Variants in ZMYM4 observed in about 807,000 individuals in gnomAD.
ZMYM4 encodes zinc finger MYM-type containing 4.
ZMYM4 carries 31 observed loss-of-function variants against 183.2 expected under a neutral mutation model. The ratio of observed to expected loss-of-function variants is 0.17; its 90% CI spans 0.13 to 0.23. ZMYM4 has a LOEUF of 0.23. Ranked by LOEUF, ZMYM4 falls within the 10% of genes least tolerant of loss-of-function variation. The probability of loss-of-function intolerance (pLI) is 1.00; values close to 1 mark genes in which losing one functional copy is unlikely to be tolerated. For synonymous variants in ZMYM4, 592 were observed against 631.2 expected, an observed-to-expected ratio of 0.94 and a Z score of 0.93; for missense variants, 1,273 against 1,840.3, an observed-to-expected ratio of 0.69 and a Z score of 5.64.
At chr1:35,418,328 G>A in intron 28 of ZMYM4, 115 bp from the exon 29 acceptor site, 1 of 1,147,442 alleles carries the variant, frequency 8.7e-7, no homozygotes, top group Non-Finnish European at 1.2e-6. Context: ...GTGTGAGTGA[G>A]TGAAAGGGAG....
At chr1:35,368,609 T>G (rs1167354200) in intron 5 of ZMYM4, among the ~76,000 whole-genome samples, 7 of 152,266 alleles carry the variant, frequency 4.6e-5, no homozygotes, top group East Asian at 3.9e-4. Context: ...GAACATTTTT[T>G]GGGGAGGAAA....
rs1553179061 is a variant in ZMYM4 at position 35,389,781 on chromosome 1, A to ATATGTG, written c.2437-166_2437-165insATGTGT. Among the ~76,000 whole-genome samples the ATATGTG allele has an allele frequency of 3.3e-4, 47 of 141,478 alleles. No homozygotes were observed. The highest frequency in any genetic ancestry group is 1.3e-3 in the East Asian group (6 of 4,700). The allele number at this position is 141,478 out of a possible 152,430, so 92.8% of individuals were successfully genotyped here. On this transcript the variant is annotated intron_variant, in intron 14 of 29. Transcript: ENST00000314607. This position sits in a 1 kb window ranked among gnomAD's most constrained non-coding sequence, Gnocchi z 4.0. Reference sequence around the variant, plus strand: ...AAAAAAAAAAAAAATATATATATATATGTGTGTGTGTGTGTGTGTGTGTGT... The same window carrying ATATGTG: ...AAAAAAAAAAAAAATATATATATATATATGTGTGTGTGTGTGTGTGTGTGTGTGTGT...
At chr1:35,278,324 T>A (rs1013308922) in intron 1 of ZMYM4, among the ~76,000 whole-genome samples, 1 of 152,126 alleles carries the variant, frequency 6.6e-6, no homozygotes, top group Non-Finnish European at 1.5e-5. Context: ...ACACTACAGT[T>A]CTTTTTTTGA....
chr1:35,299,071 T>C (rs1387456808), intron 1 of ZMYM4, among the ~76,000 whole-genome samples: 1 of 151,414 alleles, frequency 6.6e-6, no homozygotes, highest in Non-Finnish European at 1.5e-5. Flanking sequence ...TCTTGCCATG[T>C]GGCCCAGGCT....
intron 7 of ZMYM4, among the ~76,000 whole-genome samples, chr1:35,379,267 A>T (rs1644399844): frequency 6.6e-6 from 1 of 151,964 alleles, no homozygotes; most frequent in Non-Finnish European, 1.5e-5. Flanking sequence ...CGCCCAGCTA[A>T]TTTTTCTATT....
At chr1:35,321,750 TG>T (rs1456300542) in intron 1 of ZMYM4, among the ~76,000 whole-genome samples, 1 of 152,120 alleles carries the variant, frequency 6.6e-6, no homozygotes, top group African/African-American at 2.4e-5. Flanking sequence ...TGTCATAAAC[TG>T]GGCATGGTGG....
chr1:35,308,230 G>A (rs1039720343), intron 1 of ZMYM4, among the ~76,000 whole-genome samples: 3 of 151,940 alleles, frequency 2.0e-5, no homozygotes, highest in African/African-American at 7.3e-5. Flanking sequence ...GACCTCAAGT[G>A]ATCCACCTGC....
At chr1:35,308,924 A>G (rs1641673219) in intron 1 of ZMYM4, 2 of 978,536 alleles carry the variant, frequency 2.0e-6, no homozygotes, top group Non-Finnish European at 2.4e-6. Flanking sequence ...CATGCAAAAC[A>G]ATAATACCAA....
At position 35,415,655 on chromosome 1, in the gene ZMYM4, G is replaced by A. The variant is rs778797066; in HGVS notation, c.4250G>A (p.Ser1417Asn). The A allele has an allele frequency of 1.9e-6, 3 of 1,613,978 alleles. No individual in the cohort carries two copies. In the African/African-American group the frequency reaches 4.0e-5, roughly 22 times the overall value. The part of the protein sequence containing the change: ...VMRRTRTLKY[S>N]TKMTYLRFFP... ...AGACGGACCAGGACTCTGAAGTACAGTACCAAGATGACATATCTGAGGTTC... is the reference window on the plus strand; with the variant it reads ...AGACGGACCAGGACTCTGAAGTACAATACCAAGATGACATATCTGAGGTTC... Residue 1417 changes from serine (S) to asparagine (N), a missense_variant, in exon 28 of 30, where the codon AGT becomes AAT. Around this residue, in one of 6 missense-constraint regions of ZMYM4, gnomAD observed 145 missense variants for 331.6 expected, o/e 0.44. Transcript: ENST00000314607.
rs985410650 is a variant in ZMYM4, at chr1:35,294,966, C to T, written c.39+25881C>T. On this transcript the variant is annotated intron_variant, in intron 1 of 29. Transcript: ENST00000314607. ...TTAGATTCCACTGTGCTTCACATCC[C>T]TAATTTCTATTCCAGTCACCATTCA... is the stretch of plus-strand genomic sequence containing the variant. 7.2e-5 allele frequency among the ~76,000 whole-genome samples: 11 copies of T among 152,276 alleles called. No homozygotes were observed. The East Asian group carries it at 1.9e-3, about 27-fold the overall frequency.
intron 2 of ZMYM4, chr1:35,350,580 C>G (rs1379840232): frequency 1.2e-5 from 2 of 162,956 alleles, no homozygotes; most frequent in Non-Finnish European, 2.6e-5. Flanking sequence ...AGCCACCACA[C>G]CCGGCTGAAA....
In ZMYM4 at chr1:35,393,553, T is replaced by C. The variant is rs754908790; in HGVS notation, c.2767-42T>C. 1.2e-5 allele frequency: 19 copies of C among 1,531,102 alleles called. No individual in the cohort carries two copies. The South Asian group carries it at 2.1e-4, about 17-fold the overall frequency. The allele number at this position is 1,531,102 out of a possible 1,614,324, so 94.8% of individuals were successfully genotyped here. On this transcript the variant is annotated intron_variant, in intron 17 of 29. Coordinates refer to ENST00000314607, the MANE Select transcript of ZMYM4 (RefSeq NM_005095.3). ...AATATTTCTTATAATTACAATGAGA[T>C]TTTTAAAAATGTTTTTGGTTTCTAA...
At chr1:35,270,189 G>A (rs1321983130) in intron 1 of ZMYM4, among the ~76,000 whole-genome samples, 1 of 152,042 alleles carries the variant, frequency 6.6e-6, no homozygotes, top group Non-Finnish European at 1.5e-5. Flanking sequence ...AGGTGTTGAG[G>A]GCTTAAGTAA....
At chr1:35,392,018 G>C (rs943628729) in intron 15 of ZMYM4, among the ~76,000 whole-genome samples, 194 bp from the exon 16 acceptor site, 1 of 151,992 alleles carries the variant, frequency 6.6e-6, no homozygotes, top group East Asian at 1.9e-4. Context: ...TCCAGCCTGG[G>C]CAGCAGAGTG....
intron 5 of ZMYM4, 119 bp from the exon 6 acceptor site, chr1:35,369,910 C>A: frequency 1.7e-6 from 1 of 587,276 alleles, no homozygotes; most frequent in Non-Finnish European, 2.8e-6. Flanking sequence ...TTATTTCTTA[C>A]TAATGTTTTA....
Position 35,419,681 on chromosome 1 carries a change from G to C in ZMYM4, c.*4G>C, listed in dbSNP as rs376508495. 1 of 1,613,972 alleles carries C rather than the reference G, an allele frequency of 6.2e-7. No individual in the cohort carries two copies. Among genetic ancestry groups the C allele is most frequent in the Admixed American group, 1.7e-5 (1 of 60,024 alleles). Reference sequence around the variant, plus strand: ...TGATGTTGAATTATCAGATTAAAACGGAAGTGAGGTTCTTATTTTCATACA... The same window carrying C: ...TGATGTTGAATTATCAGATTAAAACCGAAGTGAGGTTCTTATTTTCATACA... On this transcript the variant is annotated 3_prime_UTR_variant, in exon 30 of 30. Transcript: ENST00000314607.
intron 1 of ZMYM4, among the ~76,000 whole-genome samples, chr1:35,280,723 CTT>C (rs1047757682): frequency 1.3e-5 from 2 of 152,154 alleles, no homozygotes; most frequent in African/African-American, 4.8e-5. Flanking sequence ...TTGCCTCTGT[CTT>C]TACATGGCAT....
At chr1:35,415,444 T>G in intron 27 of ZMYM4, 22 bp from the exon 28 acceptor site, 1 of 1,614,030 alleles carries the variant, frequency 6.2e-7, no homozygotes, top group East Asian at 2.2e-5. Flanking sequence ...GTACTGTTTC[T>G]TGTACCCCTT....
intron 7 of ZMYM4, among the ~76,000 whole-genome samples, chr1:35,371,259 G>T (rs1206853946): frequency 6.6e-6 from 1 of 151,954 alleles, no homozygotes; most frequent in Non-Finnish European, 1.5e-5. Context: ...GGGACTACAG[G>T]TGCCCGCCAC....
Sources: gnomAD v4.1 joint callset for allele counts (sites outside exome capture counted in the v4.1 genomes callset) on GRCh38, gnomAD v4.1.1 for gene constraint, gnomAD v4.1.1 regional missense constraint, Gnocchi (gnomAD v3.1) non-coding constraint, MANE v1.5 for transcripts, NCBI Gene and HGNC (gene_info 2026-07-23, HGNC 2026-07-21) for gene names.